The following NTRK3 variants were observed in gnomAD, a reference collection of about 807,000 sequenced individuals.
The protein encoded by NTRK3 is NT-3 growth factor receptor.
A neutral mutation model predicts 91.7 loss-of-function variants in NTRK3; 24 were observed. That is an observed-to-expected ratio of 0.26 (90% CI 0.19 to 0.37). NTRK3 has a LOEUF of 0.37. NTRK3 is among the 10% of genes least tolerant of loss of function. The pLI is 1.00. For missense variants in NTRK3, 880 were observed against 1,068.9 expected, an observed-to-expected ratio of 0.82 and a Z score of 2.46; for synonymous variants, 483 against 404.0, an observed-to-expected ratio of 1.20 and a Z score of -2.34.
exon 19 of NTRK3, chr15:87,875,930 G>C (rs186214247): frequency 8.6e-6 from 2 of 231,784 alleles, no homozygotes; most frequent in East Asian, 1.2e-4. Flanking sequence ...ACCCTAAAGC[G>C]TGCTGTGTCT....
chr15:88,223,418 G>A (rs967328609), intron 3 of NTRK3, among the ~76,000 whole-genome samples: 1 of 152,208 alleles, frequency 6.6e-6, no homozygotes, highest in African/African-American at 2.4e-5. Flanking sequence ...GGAGCAGCTG[G>A]CAGGCGAAGA....
chr15:87,912,925 AAAAAAAATATATATATAT>A (rs1567099367), intron 17 of NTRK3, among the ~76,000 whole-genome samples: 3 of 32,880 alleles, frequency 9.1e-5, no homozygotes, highest in Admixed American at 4.0e-4. Flanking sequence ...TCAAAAAGTA[AAAAAAAATATATATATAT>A]ATATATATAT....
At chr15:88,018,246 A>T (rs1293652795) in intron 14 of NTRK3, among the ~76,000 whole-genome samples, 1 of 152,160 alleles carries the variant, frequency 6.6e-6, no homozygotes, top group South Asian at 2.1e-4. Context: ...ACGGAGGGGG[A>T]TGACTACATA....
At chr15:87,874,940 C>G (rs1237084525) in exon 19 of NTRK3, 1 of 232,898 alleles carries the variant, frequency 4.3e-6, no homozygotes, top group Admixed American at 5.6e-5. Flanking sequence ...TCCCATCTCA[C>G]CTGCCTCCCC....
chr15:88,247,743 C>A (rs1345600032), intron 3 of NTRK3, among the ~76,000 whole-genome samples: 1 of 152,172 alleles, frequency 6.6e-6, no homozygotes, highest in Admixed American at 6.5e-5. Context: ...CCCTGCCCCA[C>A]AGTTTCGGCT....
intron 14 of NTRK3, among the ~76,000 whole-genome samples, chr15:88,022,146 A>C (rs993121284): frequency 1.3e-5 from 2 of 152,164 alleles, no homozygotes; most frequent in Non-Finnish European, 2.9e-5. Context: ...CATGAAGGAA[A>C]GGGAGTCTCT....
At chr15:88,059,779 G>A (rs184017719) in intron 13 of NTRK3, among the ~76,000 whole-genome samples, 21 of 152,300 alleles carry the variant, frequency 1.4e-4, no homozygotes, top group Admixed American at 5.2e-4. Flanking sequence ...GCCTCAAAAT[G>A]TAACTGGATT....
At chr15:88,136,264 A>G (rs2041867715) in intron 8 of NTRK3, among the ~76,000 whole-genome samples, 1 of 152,268 alleles carries the variant, frequency 6.6e-6, no homozygotes, top group Admixed American at 6.5e-5. Flanking sequence ...TACTATGGCC[A>G]TTTTACAGAA....
At chr15:88,063,467 G>T (rs905250873) in intron 13 of NTRK3, among the ~76,000 whole-genome samples, 2 of 152,198 alleles carry the variant, frequency 1.3e-5, no homozygotes, top group African/African-American at 2.4e-5. Context: ...TTCTCAGGAG[G>T]CCTTTGTGGA....
chr15:87,956,549 C>G (rs1397014206), intron 14 of NTRK3, among the ~76,000 whole-genome samples: 1 of 151,706 alleles, frequency 6.6e-6, no homozygotes, highest in Non-Finnish European at 1.5e-5. Context: ...GCTAGGATTA[C>G]AGGCGTGAGC....
At chr15:87,990,105 G>C (rs1351704666) in intron 14 of NTRK3, among the ~76,000 whole-genome samples, 3 of 152,040 alleles carry the variant, frequency 2.0e-5, no homozygotes, top group African/African-American at 7.2e-5. Flanking sequence ...TCCTACAAGG[G>C]TAATACTGAG....
intron 13 of NTRK3, among the ~76,000 whole-genome samples, chr15:88,125,863 C>T (rs1202470185): frequency 6.6e-6 from 1 of 152,214 alleles, no homozygotes; most frequent in Non-Finnish European, 1.5e-5. Flanking sequence ...TCTTGCTGTG[C>T]TGACGCCTTC....
rs542364660 is a variant in NTRK3, at chr15:87,979,077, A to G, written c.1586-38324T>C. 2.0e-5 allele frequency: 11 copies of G among 555,690 alleles called. No homozygotes were observed. The East Asian group carries it at 3.0e-4, about 15-fold the overall frequency. 34.4% of individuals were successfully genotyped at this position (555,690 alleles called of 1,614,324 possible). A position where few individuals can be genotyped will look rare whatever the true frequency, so the allele number is the denominator to read the frequency against. On this transcript the variant is annotated intron_variant, in intron 14 of 18. Transcript: ENST00000394480. ...GGTGCACAGGTTTTTAATTCTCTTT[A>G]TTGGCTCTAAAGATAGTGGCAGGAG...
At chr15:88,086,521 A>C (rs1204791682) in intron 13 of NTRK3, among the ~76,000 whole-genome samples, 1 of 144,828 alleles carries the variant, frequency 6.9e-6, no homozygotes, top group Non-Finnish European at 1.5e-5. Context: ...TATTTTTTAA[A>C]AACATGGCTA....
intron 13 of NTRK3, among the ~76,000 whole-genome samples, chr15:88,088,032 C>T (rs1412502808): frequency 6.6e-6 from 1 of 152,200 alleles, no homozygotes; most frequent in East Asian, 1.9e-4. Flanking sequence ...GCCTGGGAAA[C>T]ACAGCAAGTT....
chr15:88,121,399 C>G (rs1014668867), intron 13 of NTRK3, among the ~76,000 whole-genome samples: 11 of 152,182 alleles, frequency 7.2e-5, no homozygotes, highest in Admixed American at 7.2e-4. Flanking sequence ...CAAAGCAAGT[C>G]ACTTCCTTGT....
chr15:88,154,756 A>G lies in NTRK3; in HGVS notation c.396-7353T>C, dbSNP rs1266438209. 5.9e-5 allele frequency among the ~76,000 whole-genome samples: 9 copies of G among 152,268 alleles called. No homozygotes were observed. In the East Asian group the frequency reaches 1.7e-3, roughly 29 times the overall value. ...GGAATCTGAGGTCTGCAATATGTTC[A>G]TGGGTATTTCAAGGGGAAAAAGATC... On this transcript the variant is annotated intron_variant, in intron 5 of 18. Transcript: ENST00000394480.
intron 17 of NTRK3, among the ~76,000 whole-genome samples, chr15:87,890,570 T>TACACACACACACAC (rs58806302): frequency 2.7e-5 from 4 of 147,832 alleles, no homozygotes; most frequent in South Asian, 2.2e-4. Context: ...GCTTGTTCTT[T>TACACACACACACAC]ACACACACAC....
intron 13 of NTRK3, among the ~76,000 whole-genome samples, chr15:88,058,275 T>C (rs551876041): frequency 2.6e-5 from 4 of 152,314 alleles, no homozygotes; most frequent in African/African-American, 9.6e-5. Context: ...ACTTTCTCCA[T>C]TGACTAGATG....
Sources: allele counts gnomAD v4.1 joint callset (sites outside exome capture counted in the v4.1 genomes callset), GRCh38; gene constraint gnomAD v4.1.1; transcripts MANE v1.5; gene names NCBI Gene and HGNC (gene_info 2026-07-23, HGNC 2026-07-21).